The following NUP133 variants were observed in gnomAD, a reference collection of about 807,000 sequenced individuals.
NUP133 encodes the protein nuclear pore complex protein Nup133.
NUP133 carries 66 observed loss-of-function variants against 146.2 expected under a neutral mutation model. The ratio of observed to expected loss-of-function variants is 0.45; its 90% CI spans 0.37 to 0.55. The LOEUF is 0.55. Among genes scored for constraint, NUP133 ranks in the 20% least tolerant of loss-of-function variants. NUP133 has a pLI of 0.00. For missense variants in NUP133, 1,277 were observed against 1,374.8 expected (o/e 0.93, Z 1.12); for synonymous variants, 521 against 498.8 (o/e 1.04, Z -0.59).
rs746055081 is a variant in NUP133, at chr1:229,443,504, G to A, written c.3334+1410C>T. On this transcript the variant is annotated intron_variant, in intron 25 of 25. Transcript: ENST00000261396. ...GTGGGTAATTTAAATATGTCTGCAG[G>A]AAGAATGCACAGGCTGAAGTAGCTG... Among the ~76,000 whole-genome samples, 18 of 152,204 alleles carry A rather than the reference G, an allele frequency of 1.2e-4. 1 individual carries two copies. Among genetic ancestry groups the A allele is most frequent in the South Asian group, 2.1e-4 (1 of 4,820 alleles).
chr1:229,495,673 G>A (rs911558118), intron 7 of NUP133, 108 bp from the exon 8 acceptor site: 7 of 916,300 alleles, frequency 7.6e-6, no homozygotes, highest in Non-Finnish European at 9.9e-6. Flanking sequence ...CTCAGTTGCT[G>A]AATAATGTAT....
chr1:229,463,300 G>C (rs1339699296), intron 19 of NUP133, among the ~76,000 whole-genome samples: 2 of 152,172 alleles, frequency 1.3e-5, no homozygotes, highest in African/African-American at 4.8e-5. Context: ...AGGAGGTGTG[G>C]GAGGGGGTGA....
At position 229,489,987 on chromosome 1, in the gene NUP133, C is replaced by T; in HGVS notation, c.1162G>A (p.Val388Ile). The change falls in exon 9 of 26, where the codon GTA (valine) becomes ATA (isoleucine). Residue 388 changes from valine to isoleucine, a missense_variant. Val to Ile is a conservative substitution (Grantham distance 29). Around this residue, in one of 3 missense-constraint regions of NUP133, gnomAD observed 952 missense variants for 1,047.0 expected, o/e 0.91. Transcript: ENST00000261396. ...GGTGGATTATATTGAGTGACTTCTACAGTAACTGCATCTGACATTTGGCAA... is the reference window on the plus strand; with the variant it reads ...GGTGGATTATATTGAGTGACTTCTATAGTAACTGCATCTGACATTTGGCAA... ...NGCQMSDAVTVEVTQYNPPFQ... is the reference protein window; with the variant it reads ...NGCQMSDAVTIEVTQYNPPFQ... 1.2e-6 allele frequency: 2 copies of T among 1,608,806 alleles called. No individual in the cohort carries two copies. The highest frequency in any genetic ancestry group is 1.7e-6 in the Non-Finnish European group (2 of 1,177,180).
intron 8 of NUP133, 127 bp downstream of exon 8, chr1:229,495,368 G>A (rs1661630402): frequency 3.0e-6 from 2 of 672,280 alleles, no homozygotes; most frequent in South Asian, 1.8e-5. Flanking sequence ...TCCAGCCCGG[G>A]TGATAGAGTG....
chr1:229,475,757 T>C (rs1661059722), intron 13 of NUP133, 25 bp from the exon 14 acceptor site: 1 of 1,539,476 alleles, frequency 6.5e-7, no homozygotes, highest in African/African-American at 1.4e-5. Context: ...TGATAAAACT[T>C]AGAACATAGT....
rs1226922427 is a variant in NUP133, at chr1:229,506,131, G to A, written c.210C>T (p.His70=). 6.2e-7 allele frequency: 1 copy of A among 1,611,710 alleles called. No homozygotes were observed. Among genetic ancestry groups the A allele is most frequent in the Non-Finnish European group, 8.5e-7 (1 of 1,178,196 alleles). Residue 70 remains histidine (H), a synonymous_variant, in exon 2 of 26, where the codon CAC becomes CAT. Coordinates refer to ENST00000261396, the MANE Select transcript of NUP133 (RefSeq NM_018230.3). ...AGTTCACAGACTCAGTTATGGAGTGGTGTGGGAACATTCGTGTTGGTGTTC... is the reference window on the plus strand; with the variant it reads ...AGTTCACAGACTCAGTTATGGAGTGATGTGGGAACATTCGTGTTGGTGTTC... ...SRGTPTRMFP[H]HSITESVNYD...
At chr1:229,493,842 T>C (rs1051096010) in intron 8 of NUP133, among the ~76,000 whole-genome samples, 2 of 152,064 alleles carry the variant, frequency 1.3e-5, no homozygotes, top group African/African-American at 4.8e-5. Context: ...ATGTGAAAAA[T>C]GTCTGCATGG....
intron 22 of NUP133, among the ~76,000 whole-genome samples, chr1:229,451,371 C>A (rs1185138856): frequency 6.6e-6 from 1 of 151,690 alleles, no homozygotes; most frequent in Non-Finnish European, 1.5e-5. Flanking sequence ...TGCACTCCAG[C>A]CTGACAGCCC....
chr1:229,499,867 A>C, intron 4 of NUP133, 49 bp from the exon 5 acceptor site: 1 of 1,571,268 alleles, frequency 6.4e-7, no homozygotes, highest in Non-Finnish European at 8.7e-7. Context: ...AGAGGAACCC[A>C]AAAACCAGCA....
At position 229,460,591 on chromosome 1, in the gene NUP133, C is replaced by A; in HGVS notation, c.2844+20G>T. Reference sequence around the variant, plus strand: ...CTAAATAAATTGCACACATCTGCTCCATAGAAAAATCCTTCTTACCTTTTC... The same window carrying A: ...CTAAATAAATTGCACACATCTGCTCAATAGAAAAATCCTTCTTACCTTTTC... On this transcript the variant is annotated intron_variant, in intron 20 of 25. Coordinates refer to ENST00000261396, the MANE Select transcript of NUP133 (RefSeq NM_018230.3). 1 of 1,607,430 alleles carries A rather than the reference C, an allele frequency of 6.2e-7. No individual in the cohort carries two copies. The highest frequency in any genetic ancestry group is 1.1e-5 in the South Asian group (1 of 89,754).
rs571009038 is a variant in NUP133 at position 229,477,356 on chromosome 1, C to T, written c.1756+241G>A. On this transcript the variant is annotated intron_variant, in intron 13 of 25. Coordinates refer to ENST00000261396, the MANE Select transcript of NUP133 (RefSeq NM_018230.3). ...TCGGGAGGCTGAGGCAGGAGAATGG[C>T]GTGAACCTGGGAGGTGGAGCTTGCA... Among the ~76,000 whole-genome samples the T allele has an allele frequency of 4.0e-5, 6 of 149,198 alleles. No individual in the cohort carries two copies. The East Asian group carries it at 7.9e-4, about 20-fold the overall frequency.
At chr1:229,466,188 C>T (rs1558094997) in intron 16 of NUP133, among the ~76,000 whole-genome samples, 1 of 151,932 alleles carries the variant, frequency 6.6e-6, no homozygotes, top group Non-Finnish European at 1.5e-5. Flanking sequence ...AATACGTTTG[C>T]AATCAGGCAT....
chr1:229,442,247 G>A (rs1660201084), intron 25 of NUP133, among the ~76,000 whole-genome samples: 1 of 152,154 alleles, frequency 6.6e-6, no homozygotes, highest in Non-Finnish European at 1.5e-5. Context: ...CTGCCTGAGT[G>A]TTTTTCCCTC....
chr1:229,486,399 G>A lies in NUP133; in HGVS notation c.1472C>T (p.Ala491Val). 2 of 1,600,382 alleles carry A rather than the reference G, an allele frequency of 1.2e-6. No homozygotes were observed. The highest frequency in any genetic ancestry group is 1.1e-5 in the South Asian group (1 of 88,468). ...ILAEDLEGSLASSVAGPNSES... is the reference protein window; with the variant it reads ...ILAEDLEGSLVSSVAGPNSES... ...ACTGTTTGGTCCAGCAACTGAAGAT[G>A]CTAAAGACCCTTCCAAGTCTTCTGC... Residue 491 changes from alanine to valine, a missense_variant, in exon 11 of 26, where the codon GCA (alanine) becomes GTA (valine). Transcript: ENST00000261396.
intron 15 of NUP133, among the ~76,000 whole-genome samples, chr1:229,469,178 G>A (rs545550156): frequency 6.6e-6 from 1 of 152,356 alleles, no homozygotes; most frequent in East Asian, 1.9e-4. Flanking sequence ...GCTCAGGGAA[G>A]AGCTGGCCCT....
At chr1:229,466,488 T>C (rs1660830592) in intron 16 of NUP133, 146 bp downstream of exon 16, 3 of 679,804 alleles carry the variant, frequency 4.4e-6, no homozygotes, top group Non-Finnish European at 4.7e-6. Flanking sequence ...AATAATAAAA[T>C]GACATTTTTC....
chr1:229,465,769 C>A (rs759704186), intron 16 of NUP133, among the ~76,000 whole-genome samples: 3 of 151,666 alleles, frequency 2.0e-5, no homozygotes, highest in Non-Finnish European at 2.9e-5. Context: ...GTGCACCTAC[C>A]GTCCCAGCTA....
At chr1:229,477,534 G>A (rs1263266436) in intron 13 of NUP133, 63 bp downstream of exon 13, 1 of 1,306,078 alleles carries the variant, frequency 7.7e-7, no homozygotes, top group Non-Finnish European at 1.0e-6. Flanking sequence ...TTTAAGAGAT[G>A]CTTCTAATAA....
At chr1:229,499,893 T>C (rs1376793385) in intron 4 of NUP133, 75 bp from the exon 5 acceptor site, 8 of 1,498,696 alleles carry the variant, frequency 5.3e-6, no homozygotes, top group Non-Finnish European at 7.3e-6. Flanking sequence ...ATGGCAATGA[T>C]ACAAAGAAAC....
Sources: allele counts gnomAD v4.1 joint callset (sites outside exome capture counted in the v4.1 genomes callset), GRCh38; gene constraint gnomAD v4.1.1; regional missense constraint gnomAD v4.1.1; transcripts MANE v1.5; gene names NCBI Gene and HGNC (gene_info 2026-07-23, HGNC 2026-07-21).